The following GPR176 variants were observed in gnomAD, a reference collection of about 807,000 sequenced individuals.
GPR176 encodes G protein-coupled receptor 176, also known as G-protein coupled receptor 176.
A neutral mutation model predicts 35.4 loss-of-function variants in GPR176; 26 were observed. That is an observed-to-expected ratio of 0.74 (90% CI 0.54 to 1.02). GPR176 has a LOEUF of 1.02. GPR176 is among the 50% of genes least tolerant of loss of function. GPR176 has a pLI of 0.00. For missense variants in GPR176, 597 were observed against 665.3 expected (o/e 0.90, Z 1.13); for synonymous variants, 278 against 271.3 (o/e 1.02, Z -0.24).
intron 1 of GPR176, among the ~76,000 whole-genome samples, chr15:39,831,075 G>T (rs1238352992): frequency 6.6e-6 from 1 of 152,264 alleles, no homozygotes; most frequent in Non-Finnish European, 1.5e-5. Flanking sequence ...TTAGCTTAAG[G>T]TTGGAACGGG....
rs369693587 is a variant in GPR176, at chr15:39,799,568, A to G, written c.*1564T>C. 22 of 152,404 alleles carry G rather than the reference A, an allele frequency of 1.4e-4. 1 individual carries two copies. In the East Asian group the frequency reaches 1.9e-3, roughly 13 times the overall value. 9.4% of individuals were successfully genotyped at this position (152,404 alleles called of 1,614,324 possible). On this transcript the variant is annotated 3_prime_UTR_variant, in exon 3 of 3. Transcript: ENST00000561100. ...TCCCTACAGGGTCTGGGCTCCCTCC[A>G]AGAGACGGGGCCAGTGTGGCCAAAA...
At chr15:39,918,356 A>G (rs1168138149) in intron 1 of GPR176, among the ~76,000 whole-genome samples, 1 of 152,198 alleles carries the variant, frequency 6.6e-6, no homozygotes, top group Non-Finnish European at 1.5e-5. Flanking sequence ...CCATGAGAAA[A>G]TTTCTCAGAA....
At chr15:39,823,153 C>T (rs144483062) in intron 1 of GPR176, among the ~76,000 whole-genome samples, 1 of 152,106 alleles carries the variant, frequency 6.6e-6, no homozygotes, top group Non-Finnish European at 1.5e-5. Context: ...ATCCTCTTCT[C>T]TAGACTATTT....
chr15:39,917,143 C>T (rs889272424), intron 1 of GPR176, among the ~76,000 whole-genome samples: 11 of 151,764 alleles, frequency 7.2e-5, no homozygotes, highest in Non-Finnish European at 1.5e-4. Flanking sequence ...CTTAGCCAGG[C>T]GTGGTGGCGG....
At chr15:39,842,071 A>G (rs2030035275) in intron 1 of GPR176, among the ~76,000 whole-genome samples, 1 of 152,174 alleles carries the variant, frequency 6.6e-6, no homozygotes, top group Non-Finnish European at 1.5e-5. Flanking sequence ...CCAAAAATTC[A>G]TATGTTGAAA....
intron 1 of GPR176, among the ~76,000 whole-genome samples, chr15:39,875,475 G>A (rs2032207426): frequency 6.6e-6 from 1 of 152,042 alleles, no homozygotes; most frequent in Non-Finnish European, 1.5e-5. Flanking sequence ...AGCATTCCTG[G>A]AGAACTGCAT....
chr15:39,875,090 G>A (rs1017473177), intron 1 of GPR176, among the ~76,000 whole-genome samples: 26 of 152,104 alleles, frequency 1.7e-4, no homozygotes, highest in African/African-American at 5.3e-4. Context: ...TCCAGCAAAC[G>A]TGAGTCTACC....
intron 1 of GPR176, among the ~76,000 whole-genome samples, chr15:39,899,280 G>A (rs1329672500): frequency 6.6e-6 from 1 of 152,176 alleles, no homozygotes; most frequent in Non-Finnish European, 1.5e-5. Context: ...CAAAGGGGCT[G>A]GATGACAGTT....
chr15:39,828,561 ACTGG>A, intron 1 of GPR176, among the ~76,000 whole-genome samples: 1 of 152,330 alleles, frequency 6.6e-6, no homozygotes, highest in African/African-American at 2.4e-5. Context: ...AATCAGCATC[ACTGG>A]CTGAGAGAGC....
chr15:39,807,216 A>G lies in GPR176; in HGVS notation c.215T>C (p.Phe72Ser). Reference sequence around the variant, plus strand: ...AATGAACCTGTTGGTGACAGATTTGAACACGGTTGTGCGGCAAGTTGACCA... The same window carrying G: ...AATGAACCTGTTGGTGACAGATTTGGACACGGTTGTGCGGCAAGTTGACCA... ...VLWSTCRTTVFKSVTNRFIKN... is the reference protein window; with the variant it reads ...VLWSTCRTTVSKSVTNRFIKN... The change falls in exon 2 of 3, where the codon TTC (phenylalanine) becomes TCC (serine). Residue 72 changes from phenylalanine (F) to serine (S), a missense_variant. Around this residue, in one of 3 missense-constraint regions of GPR176, gnomAD observed 126 missense variants for 112.4 expected, o/e 1.12. Transcript: ENST00000561100. 6.2e-7 allele frequency: 1 copy of G among 1,611,798 alleles called. No individual in the cohort carries two copies.
At chr15:39,868,783 AG>A (rs1362052628) in intron 1 of GPR176, among the ~76,000 whole-genome samples, 3 of 152,166 alleles carry the variant, frequency 2.0e-5, no homozygotes, top group Non-Finnish European at 4.4e-5. Flanking sequence ...GTCCTTGTGC[AG>A]GGGCTACCTG....
intron 1 of GPR176, among the ~76,000 whole-genome samples, chr15:39,905,914 C>T (rs1053036079): frequency 1.3e-5 from 2 of 152,116 alleles, no homozygotes; most frequent in African/African-American, 2.4e-5. Context: ...TTGTACCCAC[C>T]TTACACACAA....
chr15:39,901,784 A>G (rs890829171), intron 1 of GPR176, among the ~76,000 whole-genome samples: 1 of 152,154 alleles, frequency 6.6e-6, no homozygotes, highest in East Asian at 1.9e-4. Context: ...TTAAAAATAT[A>G]GACTCCAGGC....
At chr15:39,803,622 C>T (rs1407393898) in intron 2 of GPR176, among the ~76,000 whole-genome samples, 1 of 152,134 alleles carries the variant, frequency 6.6e-6, no homozygotes, top group Non-Finnish European at 1.5e-5. Context: ...TGCACCAGGT[C>T]CTGTGCCTGG....
intron 1 of GPR176, among the ~76,000 whole-genome samples, chr15:39,919,596 G>A (rs1162042516): frequency 6.6e-6 from 1 of 152,184 alleles, no homozygotes. Context: ...ATCTGAGGAG[G>A]GGGACTCCCG....
At chr15:39,812,511 C>T (rs1323544377) in intron 1 of GPR176, among the ~76,000 whole-genome samples, 2 of 152,286 alleles carry the variant, frequency 1.3e-5, no homozygotes, top group Middle Eastern at 3.4e-3. Context: ...GGACCTTTGG[C>T]TACACACTGA....
At chr15:39,802,957 T>C (rs1194521116) in intron 2 of GPR176, among the ~76,000 whole-genome samples, 1 of 152,270 alleles carries the variant, frequency 6.6e-6, no homozygotes, top group Non-Finnish European at 1.5e-5. Context: ...TAGATTTTTG[T>C]TAAAATCAGA....
intron 1 of GPR176, among the ~76,000 whole-genome samples, chr15:39,836,861 T>C (rs1418071604): frequency 6.6e-6 from 1 of 152,136 alleles, no homozygotes; most frequent in African/African-American, 2.4e-5. Flanking sequence ...TGTTTGTCAG[T>C]GAGCAACTGG....
At chr15:39,876,929 T>A (rs796408469) in intron 1 of GPR176, among the ~76,000 whole-genome samples, 20 of 152,230 alleles carry the variant, frequency 1.3e-4, no homozygotes, top group African/African-American at 4.6e-4. Flanking sequence ...CTACATTATC[T>A]TCTGTTCCTT....
Sources: gnomAD v4.1 joint callset for allele counts (sites outside exome capture counted in the v4.1 genomes callset) on GRCh38, gnomAD v4.1.1 for gene constraint, gnomAD v4.1.1 regional missense constraint, MANE v1.5 for transcripts, NCBI Gene and HGNC (gene_info 2026-07-23, HGNC 2026-07-21) for gene names.